Variants in PABPN1L observed in about 807,000 individuals in gnomAD.
PABPN1L encodes the protein embryonic polyadenylate-binding protein 2.
A neutral mutation model predicts 34.0 loss-of-function variants in PABPN1L; 45 were observed. The observed-to-expected ratio is 1.32, with a 90% CI of 1.04 to 1.70. The LOEUF (loss-of-function observed/expected upper bound fraction) is 1.70, where lower values mean the gene tolerates loss of function less well. Ranked by LOEUF, PABPN1L falls within the 40% of genes most tolerant of loss-of-function variation. The pLI is 0.00. For synonymous variants in PABPN1L, 182 were observed against 152.1 expected, an observed-to-expected ratio of 1.20 and a Z score of -1.45; for missense variants, 459 against 367.8, an observed-to-expected ratio of 1.25 and a Z score of -2.03.
rs763933189 is a variant in PABPN1L, at chr16:88,864,947, G to A, written c.567-7C>T. 7.0e-6 allele frequency: 11 copies of A among 1,575,022 alleles called. No homozygotes were observed. Among genetic ancestry groups the A allele is most frequent in the African/African-American group, 1.7e-5 (1 of 60,568 alleles). ...AAACTCTATGTAGGCATAACTGAGG[G>A]GAGGGGCAGGGAGGGGAGGGGTGAG... is the stretch of plus-strand genomic sequence containing the variant. On this transcript the variant is annotated splice_polypyrimidine_tract_variant and splice_region_variant and intron_variant, in intron 4 of 6. Coordinates refer to ENST00000419291, the Ensembl canonical transcript of PABPN1L.
At chr16:88,866,018 C>G (rs1194660243) in intron 1 of PABPN1L, 77 bp from the exon 2 acceptor site, 16 of 1,478,380 alleles carry the variant, frequency 1.1e-5, no homozygotes, top group Non-Finnish European at 2.7e-6. Flanking sequence ...GGCCTGCCAG[C>G]TCCAGCAGAG....
rs566774584 is a variant in PABPN1L at position 88,864,976 on chromosome 16, G to A, written c.567-36C>T. On this transcript the variant is annotated intron_variant, in intron 4 of 6. Coordinates refer to ENST00000419291, the Ensembl canonical transcript of PABPN1L. The stretch of plus-strand genomic sequence containing the variant: ...GGGCAGGGAGGGGAGGGGTGAGGCT[G>A]GGCCCTGTCCGCATGGCCAGTGCCC... The A allele has an allele frequency of 5.8e-6, 9 of 1,559,786 alleles. No homozygotes were observed. In the African/African-American group the frequency reaches 7.0e-5, roughly 12 times the overall value.
chr16:88,867,007 C>T (rs1344699447), upstream of PABPN1L, among the ~76,000 whole-genome samples: 1 of 152,234 alleles, frequency 6.6e-6, no homozygotes, highest in African/African-American at 2.4e-5. Context: ...GTGGTTTCTT[C>T]TAGTACCAGG....
At chr16:88,864,966 G>A (rs1277444175) in intron 4 of PABPN1L, 26 bp from the exon 5 acceptor site, 3 of 1,603,796 alleles carry the variant, frequency 1.9e-6, no homozygotes, top group South Asian at 1.1e-5. Context: ...GGGAGGGGAG[G>A]GGTGAGGCTG....
chr16:88,864,493 T>C, intron 5 of PABPN1L, 114 bp from the exon 6 acceptor site: 1 of 1,406,020 alleles, frequency 7.1e-7, no homozygotes, highest in Non-Finnish European at 9.4e-7. Context: ...CAGGATACCA[T>C]TCGGGCCTAC....
At chr16:88,864,113 A>AC in intron 6 of PABPN1L, 124 bp downstream of exon 6, 1 of 1,311,260 alleles carries the variant, frequency 7.6e-7, no homozygotes, top group Non-Finnish European at 1.0e-6. Flanking sequence ...CACAGCCCTC[A>AC]CCCAGGCCCC....
At chr16:88,864,966 G>GGGAGT (rs2143019943) in intron 4 of PABPN1L, 26 bp from the exon 5 acceptor site, 2 of 1,603,914 alleles carry the variant, frequency 1.2e-6, no homozygotes, top group South Asian at 1.1e-5. Context: ...GGGAGGGGAG[G>GGGAGT]GGTGAGGCTG....
chr16:88,866,670 C>G, upstream of PABPN1L: 1 of 1,461,040 alleles, frequency 6.8e-7, no homozygotes, highest in Non-Finnish European at 9.0e-7. Flanking sequence ...CGCGTCCGCA[C>G]CTGCCCAGGC....
intron 6 of PABPN1L, among the ~76,000 whole-genome samples, 183 bp downstream of exon 6, chr16:88,864,054 C>T (rs955151658): frequency 6.6e-6 from 1 of 151,940 alleles, no homozygotes; most frequent in African/African-American, 2.4e-5. Flanking sequence ...TCACCTCTCC[C>T]AGCAGAGAGG....
intron 3 of PABPN1L, 90 bp from the exon 4 acceptor site, chr16:88,865,218 C>A: frequency 7.2e-7 from 1 of 1,389,628 alleles, no homozygotes; most frequent in Admixed American, 2.1e-5. Context: ...AACCCCAAGG[C>A]TGGGCCCCGT....
upstream of PABPN1L, among the ~76,000 whole-genome samples, chr16:88,867,119 C>T (rs1000809042): frequency 2.0e-5 from 3 of 151,668 alleles, no homozygotes; most frequent in Non-Finnish European, 2.9e-5. Context: ...CAGGTTGGGG[C>T]GGGGTCCTGG....
At chr16:88,866,993 G>A (rs1196147986), upstream of PABPN1L, among the ~76,000 whole-genome samples, 3 of 152,220 alleles carry the variant, frequency 2.0e-5, no homozygotes, top group Non-Finnish European at 2.9e-5. Flanking sequence ...GTGGGAACAC[G>A]GGAGTGGTTT....
intron 3 of PABPN1L, 50 bp from the exon 4 acceptor site, chr16:88,865,178 CG>C: frequency 1.3e-6 from 2 of 1,532,536 alleles, no homozygotes; most frequent in Non-Finnish European, 1.8e-6. Flanking sequence ...GGCCCTGACT[CG>C]GGGCCTTCTT....
chr16:88,866,228 G>A (rs962232603), intron 1 of PABPN1L, 124 bp downstream of exon 1: 11 of 1,406,594 alleles, frequency 7.8e-6, no homozygotes, highest in Non-Finnish European at 1.0e-5. Flanking sequence ...CGTCCAGGCA[G>A]GTGGGCAATG....
In PABPN1L at chr16:88,865,120, G is replaced by T. The variant is rs375099896; in HGVS notation, c.468C>A (p.Tyr156Ter). The T allele has an allele frequency of 6.4e-7, 1 of 1,572,066 alleles. No individual in the cohort carries two copies. The highest frequency in any genetic ancestry group is 8.6e-7 in the Non-Finnish European group (1 of 1,159,626). The change falls in exon 4 of 7, where the codon TAC becomes TAA. Residue 156 changes from tyrosine to a stop codon, truncating the protein, a stop_gained. Coordinates refer to ENST00000419291, the Ensembl canonical transcript of PABPN1L. LOFTEE classifies it high-confidence loss of function. Reference sequence around the variant, plus strand: ...CCTCCAGCTCCTCGGCGGAGCCCCCGTAGTCCACCTGCACCCAGGCCCAGA... The same window carrying T: ...CCTCCAGCTCCTCGGCGGAGCCCCCTTAGTCCACCTGCACCCAGGCCCAGA...
At chr16:88,866,291 C>T in intron 1 of PABPN1L, 61 bp downstream of exon 1, 1 of 1,509,522 alleles carries the variant, frequency 6.6e-7, no homozygotes, top group South Asian at 1.3e-5. Context: ...GACCCCGTGT[C>T]TCCACCAGCC....
chr16:88,867,697 G>GC (rs551965307), upstream of PABPN1L, among the ~76,000 whole-genome samples: 616 of 152,320 alleles, frequency 4.0e-3, 3 homozygotes, highest in African/African-American at 0.014. Context: ...GGTGGTGTCT[G>GC]CACCTGGCTT....
chr16:88,865,131 G>C lies in PABPN1L; in HGVS notation c.460-3C>G. 4 of 1,565,020 alleles carry C rather than the reference G, an allele frequency of 2.6e-6. No individual in the cohort carries two copies. The highest frequency in any genetic ancestry group is 3.5e-6 in the Non-Finnish European group (4 of 1,155,576). ...TCGGCGGAGCCCCCGTAGTCCACCTGCACCCAGGCCCAGACCAGCATGTGA... is the reference window on the plus strand; with the variant it reads ...TCGGCGGAGCCCCCGTAGTCCACCTCCACCCAGGCCCAGACCAGCATGTGA... On this transcript the variant is annotated splice_polypyrimidine_tract_variant and splice_region_variant and intron_variant, in intron 3 of 6. Coordinates refer to ENST00000419291, the Ensembl canonical transcript of PABPN1L.
At chr16:88,864,898 G>A (rs758055343) in exon 5 of PABPN1L, 29 of 1,608,388 alleles carry the variant, frequency 1.8e-5, no homozygotes, top group South Asian at 6.6e-5. Context: ...GCTCCACGGC[G>A]GCCTGCACGG....
Sources: allele counts gnomAD v4.1 joint callset (sites outside exome capture counted in the v4.1 genomes callset), GRCh38; gene constraint gnomAD v4.1.1; transcripts MANE v1.5; gene names NCBI Gene and HGNC (gene_info 2026-07-23, HGNC 2026-07-21).